Variants in SMYD3 observed in about 807,000 individuals in gnomAD.
SMYD3 encodes the protein SET and MYND domain containing 3.
SMYD3 carries 36 observed loss-of-function variants against 57.7 expected under a neutral mutation model. The observed-to-expected ratio is 0.62, with a 90% CI of 0.48 to 0.82. SMYD3 has a LOEUF of 0.82. Among genes scored for constraint, SMYD3 ranks in the 40% least tolerant of loss-of-function variants. SMYD3 has a pLI of 0.00. For synonymous variants in SMYD3, 211 were observed against 195.0 expected, an observed-to-expected ratio of 1.08 and a Z score of -0.68; for missense variants, 515 against 538.8, an observed-to-expected ratio of 0.96 and a Z score of 0.44.
At chr1:245,756,185 A>G (rs917156022) in intron 11 of SMYD3, among the ~76,000 whole-genome samples, 1 of 149,808 alleles carries the variant, frequency 6.7e-6, no homozygotes, top group African/African-American at 2.4e-5. Context: ...ATATGTATAT[A>G]TACAGATATA....
Position 245,816,767 on chromosome 1 carries a change from T to G in SMYD3, c.1076+41729A>C, listed in dbSNP as rs544860950. Among the ~76,000 whole-genome samples the G allele has an allele frequency of 7.3e-3, 1,105 of 152,122 alleles. 8 individuals carry two copies. The highest frequency in any genetic ancestry group is 0.025 in the African/African-American group (1,039 of 41,520). On this transcript the variant is annotated intron_variant, in intron 10 of 11. Transcript: ENST00000490107. ...CCAGGGGTCAGGGAGTTCCCTTTCC[T>G]AGTCAAAGAAAGGGGTGACGGACGC... is the stretch of plus-strand genomic sequence containing the variant.
At chr1:245,869,982 C>G (rs543987989) in intron 8 of SMYD3, among the ~76,000 whole-genome samples, 1 of 152,300 alleles carries the variant, frequency 6.6e-6, no homozygotes, top group South Asian at 2.1e-4. Context: ...TGAACTGACA[C>G]GAATGGTTTC....
At chr1:245,872,502 G>A (rs1316939082) in intron 8 of SMYD3, among the ~76,000 whole-genome samples, 4 of 151,934 alleles carry the variant, frequency 2.6e-5, no homozygotes, top group African/African-American at 9.7e-5. Flanking sequence ...TCAGATGAGA[G>A]AGCCTTCTCC....
intron 11 of SMYD3, among the ~76,000 whole-genome samples, chr1:245,759,093 C>T (rs2045727692): frequency 6.6e-6 from 1 of 152,164 alleles, no homozygotes. Flanking sequence ...GCTTATTTCC[C>T]ATAATACGAC....
intron 1 of SMYD3, among the ~76,000 whole-genome samples, chr1:246,451,129 C>T (rs1214170547): frequency 6.6e-6 from 1 of 152,218 alleles, no homozygotes; most frequent in Non-Finnish European, 1.5e-5. Context: ...GTGTTGATCA[C>T]TGCTGTCTCC....
intron 5 of SMYD3, among the ~76,000 whole-genome samples, chr1:246,282,342 C>CAAAAAAAAAAAAAAAAAAAAAAAAAA (rs1478003812): frequency 1.0e-4 from 8 of 79,976 alleles, no homozygotes; most frequent in Non-Finnish European, 1.4e-4. Flanking sequence ...AAAAAAAAAG[C>CAAAAAAAAAAAAAAAAAAAAAAAAAA]AAAAAAATTA....
intron 5 of SMYD3, among the ~76,000 whole-genome samples, chr1:246,267,736 G>C (rs1214900528): frequency 1.3e-5 from 2 of 152,188 alleles, no homozygotes; most frequent in South Asian, 2.1e-4. Context: ...CTAAGGCAGA[G>C]ACTGCACCTT....
rs570972296 is a variant in SMYD3 at position 246,269,543 on chromosome 1, CT to C, written c.531+57657del. On this transcript the variant is annotated intron_variant, in intron 5 of 11. Coordinates refer to ENST00000490107, the MANE Select transcript of SMYD3 (RefSeq NM_001167740.2). ...GTTTTCTTTCTGTTTCTTTTTTTTT[CT>C]TTTTTTTTTTTGTTTTTGTTGTTTT... 2.9e-3 allele frequency among the ~76,000 whole-genome samples: 386 copies of C among 135,126 alleles called. 1 individual carries two copies. Among genetic ancestry groups the C allele is most frequent in the African/African-American group, 7.5e-3 (279 of 37,168 alleles). The allele number at this position is 135,126 out of a possible 152,430, so 88.6% of individuals were successfully genotyped here. A position where few individuals can be genotyped will look rare whatever the true frequency, so the allele number is the denominator to read the frequency against.
At chr1:246,324,416 C>CAA (rs897518368) in intron 5 of SMYD3, among the ~76,000 whole-genome samples, 112 of 41,642 alleles carry the variant, frequency 2.7e-3, no homozygotes, top group East Asian at 3.5e-3. Context: ...AACTCCATCT[C>CAA]AAAAAAAAAA....
intron 5 of SMYD3, among the ~76,000 whole-genome samples, chr1:245,966,628 A>G (rs1464033659): frequency 6.6e-6 from 1 of 152,196 alleles, no homozygotes; most frequent in African/African-American, 2.4e-5. Flanking sequence ...TTTTAAAAAC[A>G]TTACTTAATT....
chr1:246,505,742 A>C (rs1341984431), intron 1 of SMYD3, among the ~76,000 whole-genome samples: 1 of 152,228 alleles, frequency 6.6e-6, no homozygotes, highest in East Asian at 1.9e-4. Flanking sequence ...CCACCCACAA[A>C]GGGTTTGTGT....
chr1:246,081,120 G>A (rs189416228), intron 5 of SMYD3, among the ~76,000 whole-genome samples: 6 of 152,320 alleles, frequency 3.9e-5, no homozygotes, highest in African/African-American at 1.4e-4. Flanking sequence ...TGACCTTAGC[G>A]TTGAGGAAGG....
intron 1 of SMYD3, among the ~76,000 whole-genome samples, chr1:246,412,548 T>C (rs574944135): frequency 1.3e-5 from 2 of 152,204 alleles, no homozygotes; most frequent in East Asian, 1.9e-4. Context: ...TTTTTTTTTT[T>C]CAGTAAACTA....
intron 1 of SMYD3, among the ~76,000 whole-genome samples, chr1:246,364,700 G>A (rs181038353): frequency 2.6e-5 from 4 of 152,248 alleles, no homozygotes; most frequent in African/African-American, 9.6e-5. Context: ...CATGGGGAGT[G>A]GTTAAAAGTC....
At chr1:245,957,018 A>C (rs989575089) in intron 5 of SMYD3, among the ~76,000 whole-genome samples, 14 of 152,236 alleles carry the variant, frequency 9.2e-5, no homozygotes, top group African/African-American at 3.4e-4. Context: ...ACGAATCATC[A>C]GGCTAACACT....
chr1:246,260,467 T>G (rs1452611520), intron 5 of SMYD3, among the ~76,000 whole-genome samples: 2 of 152,174 alleles, frequency 1.3e-5, no homozygotes, highest in African/African-American at 4.8e-5. Flanking sequence ...TTGTTTCTTT[T>G]TTGAGACAGA....
At chr1:245,955,229 C>G (rs1360225309) in intron 5 of SMYD3, among the ~76,000 whole-genome samples, 1 of 150,150 alleles carries the variant, frequency 6.7e-6, no homozygotes, top group Non-Finnish European at 1.5e-5. Flanking sequence ...GTAGCTGGGA[C>G]TACAGGTGCC....
At position 245,885,573 on chromosome 1, in the gene SMYD3, A is replaced by G. The variant is rs189794888; in HGVS notation, c.814-21687T>C. Among the ~76,000 whole-genome samples the G allele has an allele frequency of 4.4e-3, 667 of 152,186 alleles. 3 individuals carry two copies. Among genetic ancestry groups the G allele is most frequent in the Non-Finnish European group, 6.7e-3 (455 of 68,010 alleles). On this transcript the variant is annotated intron_variant, in intron 8 of 11. Coordinates refer to ENST00000490107, the MANE Select transcript of SMYD3 (RefSeq NM_001167740.2). ...TAATTTCTTTTTAACTCCTATATCAACCAGATAAGGCCCCTCCTTTCTCCT... is the reference window on the plus strand; with the variant it reads ...TAATTTCTTTTTAACTCCTATATCAGCCAGATAAGGCCCCTCCTTTCTCCT...
At chr1:245,831,001 C>A (rs890827853) in intron 10 of SMYD3, among the ~76,000 whole-genome samples, 1 of 152,138 alleles carries the variant, frequency 6.6e-6, no homozygotes, top group African/African-American at 2.4e-5. Flanking sequence ...GTTTCTCTCA[C>A]CACAAACAGC....
Sources: gnomAD v4.1 joint callset for allele counts (sites outside exome capture counted in the v4.1 genomes callset) on GRCh38, gnomAD v4.1.1 for gene constraint, MANE v1.5 for transcripts, NCBI Gene and HGNC (gene_info 2026-07-23, HGNC 2026-07-21) for gene names.